CMIP: variants seen among roughly 807,000 people sequenced by gnomAD.
CMIP encodes C-Maf-inducing protein.
A neutral mutation model predicts 97.3 loss-of-function variants in CMIP; 13 were observed. The observed-to-expected ratio is 0.13, with a 90% CI of 0.09 to 0.21. CMIP has a LOEUF of 0.21. Among genes scored for constraint, CMIP ranks in the 10% least tolerant of loss-of-function variants. The pLI is 1.00. For synonymous variants in CMIP, 538 were observed against 436.3 expected (o/e 1.23, Z -2.91); for missense variants, 847 against 1,024.9 (o/e 0.83, Z 2.37).
At chr16:81,626,216 C>CACGTGAGAATGTGT (rs1567617939) in intron 3 of CMIP, among the ~76,000 whole-genome samples, 3 of 82,788 alleles carry the variant, frequency 3.6e-5, no homozygotes, top group African/African-American at 1.1e-4. Flanking sequence ...AGTGTGTGTG[C>CACGTGAGAATGTGT]GCGTGAGAAT....
At chr16:81,641,190 G>A (rs2092302813) in intron 3 of CMIP, among the ~76,000 whole-genome samples, 1 of 152,160 alleles carries the variant, frequency 6.6e-6, no homozygotes, top group Non-Finnish European at 1.5e-5. Context: ...GAGAGTTGCA[G>A]GGTAGGTGAA....
In CMIP at chr16:81,708,459, A is replaced by G. The variant is rs73602432; in HGVS notation, c.2269-1287A>G. On this transcript the variant is annotated intron_variant, in intron 20 of 20. Transcript: ENST00000537098. Reference sequence around the variant, plus strand: ...ATGCTACTGTGAGACCAAGCTGGAAAGAGAACATGGGGAGTGCAGGAAAGG... The same window carrying G: ...ATGCTACTGTGAGACCAAGCTGGAAGGAGAACATGGGGAGTGCAGGAAAGG... Among the ~76,000 whole-genome samples the G allele has an allele frequency of 2.2e-3, 341 of 152,392 alleles. 1 individual carries two copies. Among genetic ancestry groups the G allele is most frequent in the African/African-American group, 7.8e-3 (323 of 41,592 alleles).
intron 1 of CMIP, among the ~76,000 whole-genome samples, chr16:81,515,818 A>G (rs181001633): frequency 6.6e-6 from 1 of 152,134 alleles, no homozygotes; most frequent in East Asian, 1.9e-4. Flanking sequence ...ACTGGATTCA[A>G]CCCGTGGGAG....
intron 4 of CMIP, among the ~76,000 whole-genome samples, chr16:81,654,985 T>C (rs552504313): frequency 2.0e-5 from 3 of 152,344 alleles, no homozygotes; most frequent in African/African-American, 7.2e-5. Flanking sequence ...CCCAGTTGTT[T>C]TCTGTAAATT....
At chr16:81,615,664 G>A (rs2091907309) in intron 2 of CMIP, among the ~76,000 whole-genome samples, 2 of 147,188 alleles carry the variant, frequency 1.4e-5, no homozygotes, top group Non-Finnish European at 3.0e-5. Context: ...TGTGTGGTGT[G>A]TATGTGTCTG....
intron 1 of CMIP, among the ~76,000 whole-genome samples, chr16:81,538,563 A>C (rs2090390053): frequency 6.6e-6 from 1 of 152,154 alleles, no homozygotes; most frequent in East Asian, 1.9e-4. Flanking sequence ...TTTGATAGGA[A>C]GTTGATTTGA....
chr16:81,458,269 C>A (rs1287742099), intron 1 of CMIP, among the ~76,000 whole-genome samples: 1 of 152,136 alleles, frequency 6.6e-6, no homozygotes, highest in Non-Finnish European at 1.5e-5. Context: ...TATAGCTGAA[C>A]CCCATCACCT....
chr16:81,483,939 G>C (rs1204795004), intron 1 of CMIP, among the ~76,000 whole-genome samples: 1 of 152,184 alleles, frequency 6.6e-6, no homozygotes, highest in Non-Finnish European at 1.5e-5. Context: ...AACATATTTT[G>C]TCATAAACTG....
chr16:81,534,871 C>T (rs1357077967), intron 1 of CMIP, among the ~76,000 whole-genome samples: 1 of 152,154 alleles, frequency 6.6e-6, no homozygotes, highest in Admixed American at 6.6e-5. Context: ...GCTAAGTTTC[C>T]TTTTAGGCTT....
intron 20 of CMIP, among the ~76,000 whole-genome samples, chr16:81,709,068 G>A (rs929478397): frequency 6.6e-6 from 1 of 152,166 alleles, no homozygotes; most frequent in African/African-American, 2.4e-5. Flanking sequence ...AAAGAAAAGT[G>A]GAAGTCTGGG....
chr16:81,663,829 AG>A (rs1397634394), intron 6 of CMIP, among the ~76,000 whole-genome samples: 1 of 152,168 alleles, frequency 6.6e-6, no homozygotes, highest in African/African-American at 2.4e-5. Context: ...CTGCCCAGGG[AG>A]TCCTCTGTGT....
intron 1 of CMIP, chr16:81,520,634 A>G (rs2090006081): frequency 6.6e-6 from 1 of 151,970 alleles, no homozygotes; most frequent in Non-Finnish European, 1.5e-5. Context: ...AAAGAAAATC[A>G]AGATGAGCTG....
At position 81,707,067 on chromosome 16, in the gene CMIP, A is replaced by G. The variant is rs1908232249; in HGVS notation, c.2251A>G (p.Thr751Ala). 2 of 1,613,742 alleles carry G rather than the reference A, an allele frequency of 1.2e-6. No individual in the cohort carries two copies. Among genetic ancestry groups the G allele is most frequent in the Non-Finnish European group, 1.7e-6 (2 of 1,179,768 alleles). The change falls in exon 20 of 21, where the codon ACC becomes GCC. Residue 751 changes from threonine (T) to alanine (A), a missense_variant. Thr to Ala is a moderately conservative substitution (Grantham distance 58, BLOSUM62 0). This residue lies in a region of CMIP where 266 missense variants were observed against 384.2 expected (regional missense o/e 0.69). Coordinates refer to ENST00000537098, the MANE Select transcript of CMIP (RefSeq NM_198390.3). The part of the protein sequence containing the change: ...NMNSTKLSAD[T>A]YEDLKAKLPN... ...GAACAGCACCAAGCTCTCAGCTGAC[A>G]CCTACGAAGATCTGAAGGTAATTCC... is the stretch of plus-strand genomic sequence containing the variant.
intron 1 of CMIP, among the ~76,000 whole-genome samples, chr16:81,574,089 C>T (rs1040437230): frequency 1.3e-5 from 2 of 152,210 alleles, no homozygotes; most frequent in African/African-American, 4.8e-5. Flanking sequence ...TCCTTGGTCA[C>T]ACTAGCCACA....
chr16:81,601,176 G>A (rs1400862811), intron 1 of CMIP, among the ~76,000 whole-genome samples: 3 of 152,222 alleles, frequency 2.0e-5, no homozygotes, highest in East Asian at 1.9e-4. Context: ...CTCTGGCCTC[G>A]GGAATAAGCT....
At chr16:81,660,354 A>C (rs900948441) in intron 5 of CMIP, among the ~76,000 whole-genome samples, 5 of 151,262 alleles carry the variant, frequency 3.3e-5, no homozygotes, top group African/African-American at 9.7e-5. Flanking sequence ...GCTCACTGCA[A>C]CTCCGCCTCC....
intron 1 of CMIP, among the ~76,000 whole-genome samples, chr16:81,497,904 C>T (rs944052212): frequency 1.1e-4 from 16 of 152,272 alleles, no homozygotes; most frequent in African/African-American, 2.9e-4. Context: ...GCTGCTGCTC[C>T]AGCTGTGGTC....
intron 1 of CMIP, among the ~76,000 whole-genome samples, chr16:81,586,110 C>A (rs2091377950): frequency 6.9e-6 from 1 of 145,738 alleles, no homozygotes. Context: ...TTTTTTTTTC[C>A]AGAAAGGATT....
chr16:81,467,389 C>T (rs1331025938), intron 1 of CMIP, among the ~76,000 whole-genome samples: 1 of 152,138 alleles, frequency 6.6e-6, no homozygotes, highest in Non-Finnish European at 1.5e-5. Context: ...CGGTGCCTCT[C>T]CCCCTCTGTG....
Sources: gnomAD v4.1 joint callset for allele counts (sites outside exome capture counted in the v4.1 genomes callset) on GRCh38, gnomAD v4.1.1 for gene constraint, gnomAD v4.1.1 regional missense constraint, MANE v1.5 for transcripts, NCBI Gene and HGNC (gene_info 2026-07-23, HGNC 2026-07-21) for gene names.